Variants in B4GALT6 observed in about 807,000 individuals in gnomAD.
B4GALT6 encodes beta-1,4-galactosyltransferase 6, also known as UDP-Gal:beta-GlcNAc beta-1,4-galactosyltransferase 6.
Under a neutral mutation model 46.3 loss-of-function variants are expected in B4GALT6, and 14 were observed. The ratio of observed to expected loss-of-function variants is 0.30; its 90% CI spans 0.20 to 0.47. B4GALT6 has a LOEUF of 0.47. Among genes scored for constraint, B4GALT6 ranks in the 20% least tolerant of loss-of-function variants. The pLI is 0.99. For missense variants in B4GALT6, 386 were observed against 480.1 expected, an observed-to-expected ratio of 0.80 and a Z score of 1.83; for synonymous variants, 168 against 162.0, an observed-to-expected ratio of 1.04 and a Z score of -0.28.
chr18:31,658,230 C>A, intron 2 of B4GALT6, 141 bp from the exon 3 acceptor site: 3 of 618,710 alleles, frequency 4.8e-6, no homozygotes, highest in Non-Finnish European at 8.3e-6. Flanking sequence ...CTTTAAGGAA[C>A]TAGAGAACAG....
At chr18:31,648,482 C>T (rs970265413) in intron 3 of B4GALT6, among the ~76,000 whole-genome samples, 9 of 152,152 alleles carry the variant, frequency 5.9e-5, no homozygotes, top group African/African-American at 2.2e-4. Flanking sequence ...ACAGGGAACT[C>T]AAGTCAGCTG....
At chr18:31,680,747 A>C (rs1319581225) in intron 1 of B4GALT6, among the ~76,000 whole-genome samples, 1 of 152,222 alleles carries the variant, frequency 6.6e-6, no homozygotes. Flanking sequence ...GTATGAACAA[A>C]GACCAGTCTC....
the B4GALT6 span, among the ~76,000 whole-genome samples, chr18:31,702,481 G>C: frequency 6.6e-6 from 1 of 152,182 alleles, no homozygotes; most frequent in Non-Finnish European, 1.5e-5. Flanking sequence ...GATACAGCCT[G>C]ACAGCTAAGC....
In B4GALT6 at chr18:31,677,576, A is replaced by G. The variant is rs73954665; in HGVS notation, c.115+6736T>C. 6.4e-3 allele frequency among the ~76,000 whole-genome samples: 979 copies of G among 152,264 alleles called. 15 individuals are homozygous for G. The highest frequency in any genetic ancestry group is 0.023 in the African/African-American group (948 of 41,538). ...CATTATGGGTATCCTCAGAAAACCT[A>G]CTCTCAATCTTCACTTGAATCGATC... On this transcript the variant is annotated intron_variant, in intron 1 of 8. Transcript: ENST00000306851.
At chr18:31,627,227 C>T in intron 6 of B4GALT6, 106 bp from the exon 7 acceptor site, 2 of 845,972 alleles carry the variant, frequency 2.4e-6, no homozygotes, top group South Asian at 4.3e-5. Flanking sequence ...CCCTTATATT[C>T]TATATAGACA....
intron 6 of B4GALT6, among the ~76,000 whole-genome samples, chr18:31,628,176 C>T (rs2073726477): frequency 6.6e-6 from 1 of 152,132 alleles, no homozygotes; most frequent in Non-Finnish European, 1.5e-5. Context: ...AAAGGTACTC[C>T]AAGATGGTAA....
chr18:31,665,295 G>A (rs2144680462), intron 2 of B4GALT6, among the ~76,000 whole-genome samples: 1 of 152,278 alleles, frequency 6.6e-6, no homozygotes. Context: ...AGACACTGTG[G>A]CAACCCTGCC....
chr18:31,683,152 A>C (rs2074500716), intron 1 of B4GALT6, among the ~76,000 whole-genome samples: 1 of 152,230 alleles, frequency 6.6e-6, no homozygotes, highest in South Asian at 2.1e-4. Flanking sequence ...AAAAAGTCTC[A>C]TAGTAATTTT....
At chr18:31,707,228 TTTC>T in the B4GALT6 span, among the ~76,000 whole-genome samples, 1 of 115,950 alleles carries the variant, frequency 8.6e-6, no homozygotes, top group African/African-American at 2.8e-5. Context: ...ATTTCTTTTC[TTTC>T]TTTTTTTTTT....
chr18:31,698,097 T>A, the B4GALT6 span, among the ~76,000 whole-genome samples: 11 of 152,362 alleles, frequency 7.2e-5, 1 homozygote, highest in African/African-American at 2.6e-4. Context: ...ATGTTGGATC[T>A]TCCCATTCTC....
At position 31,653,473 on chromosome 18, in the gene B4GALT6, C is replaced by T. The variant is rs555117294; in HGVS notation, c.346+4503G>A. Among the ~76,000 whole-genome samples, 6 of 122,860 alleles carry T rather than the reference C, an allele frequency of 4.9e-5. No individual in the cohort carries two copies. In the South Asian group the frequency reaches 8.4e-4, roughly 17 times the overall value. The allele number at this position is 122,860 out of a possible 152,430, so 80.6% of individuals were successfully genotyped here. A position where few individuals can be genotyped will look rare whatever the true frequency, so the allele number is the denominator to read the frequency against. On this transcript the variant is annotated intron_variant, in intron 3 of 8. Coordinates refer to ENST00000306851, the MANE Select transcript of B4GALT6 (RefSeq NM_004775.5). ...TTTTTTTTTTTTTGAGACAAAGTCT[C>T]GCTCTGTTGCCTGGGCTGGAGTGCA...
In B4GALT6 at chr18:31,661,498, G is replaced by C. The variant is rs148728148; in HGVS notation, c.233-3409C>G. On this transcript the variant is annotated intron_variant, in intron 2 of 8. Coordinates refer to ENST00000306851, the MANE Select transcript of B4GALT6 (RefSeq NM_004775.5). The stretch of plus-strand genomic sequence containing the variant: ...ATGAGCAGTTAAAACAATAAATATT[G>C]AATGGCAAGTTCTTCATTAATTAGC... Among the ~76,000 whole-genome samples the C allele has an allele frequency of 2.6e-3, 397 of 152,146 alleles. 2 individuals carry two copies. The highest frequency in any genetic ancestry group is 8.3e-3 in the African/African-American group (344 of 41,510).
chr18:31,635,253 A>C (rs915437469), intron 5 of B4GALT6, among the ~76,000 whole-genome samples: 49 of 152,090 alleles, frequency 3.2e-4, no homozygotes, highest in African/African-American at 1.0e-3. Context: ...AAACAAAAAA[A>C]AAAAAAACCA....
intron 3 of B4GALT6, among the ~76,000 whole-genome samples, chr18:31,648,052 TAAAGA>T (rs1184548789): frequency 4.6e-5 from 7 of 152,174 alleles, no homozygotes; most frequent in African/African-American, 1.7e-4. Context: ...GTCCTTCTTG[TAAAGA>T]AGGACACCAT....
chr18:31,719,492 A>G, the B4GALT6 span, among the ~76,000 whole-genome samples: 2 of 152,168 alleles, frequency 1.3e-5, no homozygotes, highest in Non-Finnish European at 2.9e-5. Context: ...GCCTCCAGAA[A>G]AAGATCATGC....
At chr18:31,647,904 C>T (rs2074012185) in intron 3 of B4GALT6, among the ~76,000 whole-genome samples, 1 of 152,156 alleles carries the variant, frequency 6.6e-6, no homozygotes, top group East Asian at 1.9e-4. Flanking sequence ...TCAGGCTCCC[C>T]CAACACAGCC....
intron 3 of B4GALT6, among the ~76,000 whole-genome samples, chr18:31,649,812 ATGT>A (rs1196222720): frequency 6.6e-6 from 1 of 152,232 alleles, no homozygotes; most frequent in Non-Finnish European, 1.5e-5. Flanking sequence ...GTTGGTGAGA[ATGT>A]AAGTTAGTTC....
intron 2 of B4GALT6, among the ~76,000 whole-genome samples, chr18:31,661,151 A>C (rs1025482945): frequency 3.9e-5 from 6 of 152,364 alleles, no homozygotes; most frequent in Non-Finnish European, 8.8e-5. Flanking sequence ...TCAGGAAAAC[A>C]AACCATTATC....
chr18:31,724,334 C>T, the B4GALT6 span: 4 of 689,742 alleles, frequency 5.8e-6, no homozygotes, highest in East Asian at 7.4e-5. Flanking sequence ...CTAGTCCAGG[C>T]GGCTTAGCCT....
Sources: gnomAD v4.1 joint callset for allele counts (sites outside exome capture counted in the v4.1 genomes callset) on GRCh38, gnomAD v4.1.1 for gene constraint, MANE v1.5 for transcripts, NCBI Gene and HGNC (gene_info 2026-07-23, HGNC 2026-07-21) for gene names.